ATP5PB: variants seen among roughly 807,000 people sequenced by gnomAD.
The protein encoded by ATP5PB is ATP synthase peripheral stalk subunit b, mitochondrial.
In ATP5PB, 21 loss-of-function variants were observed where a neutral mutation model predicts 34.5. That is an observed-to-expected ratio of 0.61 (90% CI 0.43 to 0.88). The LOEUF (loss-of-function observed/expected upper bound fraction) is 0.88, where lower values mean the gene tolerates loss of function less well. Ranked by LOEUF, ATP5PB falls within the 40% of genes least tolerant of loss-of-function variation. ATP5PB has a pLI of 0.00. For synonymous variants in ATP5PB, 108 were observed against 114.1 expected (o/e 0.95, Z 0.34); for missense variants, 293 against 317.4 (o/e 0.92, Z 0.58).
intron 4 of ATP5PB, 71 bp downstream of exon 4, chr1:111,456,320 A>T: frequency 2.8e-6 from 4 of 1,430,626 alleles, no homozygotes; most frequent in Non-Finnish European, 3.7e-6. Context: ...GATATTTTTG[A>T]TATGAGTGTT....
chr1:111,452,996 T>C lies in ATP5PB; in HGVS notation c.78-1215T>C, dbSNP rs184464877. ...TCAAAACCTGGTGGGGTAGCTAATA[T>C]ATTTGGAGGCAGAAATAATATTCAA... On this transcript the variant is annotated intron_variant, in intron 2 of 6. Transcript: ENST00000369722. 1.5e-3 allele frequency among the ~76,000 whole-genome samples: 225 copies of C among 152,312 alleles called. 1 individual carries two copies. The highest frequency in any genetic ancestry group is 6.8e-3 in the Middle Eastern group (2 of 292).
chr1:111,449,510 C>T lies in ATP5PB; in HGVS notation c.-32C>T. 2 of 1,614,162 alleles carry T rather than the reference C, an allele frequency of 1.2e-6. No homozygotes were observed. Among genetic ancestry groups the T allele is most frequent in the Non-Finnish European group, 8.5e-7 (1 of 1,180,032 alleles). On this transcript the variant is annotated 5_prime_UTR_variant, in exon 1 of 7. It adds an upstream start codon to the 5' untranslated region. Coordinates refer to ENST00000369722, the MANE Select transcript of ATP5PB (RefSeq NM_001688.5). ...GATTCTCCTATCGGGGTCACAGGGA[C>T]GCTAAGATTGCTACCTGGACTTTCG...
At position 111,449,566 on chromosome 1, in the gene ATP5PB, G is replaced by T. The variant is rs935062805; in HGVS notation, c.25G>T (p.Ala9Ser). 1 of 1,609,678 alleles carries T rather than the reference G, an allele frequency of 6.2e-7. No individual in the cohort carries two copies. The highest frequency in any genetic ancestry group is 1.3e-5 in the African/African-American group (1 of 74,646). Reference sequence around the variant, plus strand: ...CATGCTGTCCCGGGTGGTACTTTCCGCCGCCGCCACAGCGGGTAAGGGGTA... The same window carrying T: ...CATGCTGTCCCGGGTGGTACTTTCCTCCGCCGCCACAGCGGGTAAGGGGTA... MLSRVVLSAAATAAPSLKN... is the reference protein window; with the variant it reads MLSRVVLSSAATAAPSLKN... The change falls in exon 1 of 7, where the codon GCC becomes TCC. Residue 9 changes from alanine (A) to serine (S), a missense_variant. Physicochemically the swap from Ala to Ser is moderately conservative, Grantham distance 99. Coordinates refer to ENST00000369722, the MANE Select transcript of ATP5PB (RefSeq NM_001688.5).
At chr1:111,459,724 C>T (rs1653566329) in intron 6 of ATP5PB, 88 bp downstream of exon 6, 6 of 1,407,002 alleles carry the variant, frequency 4.3e-6, no homozygotes, top group Non-Finnish European at 3.9e-6. Flanking sequence ...GAATAGCTGG[C>T]AAGGAGTCTT....
intron 2 of ATP5PB, among the ~76,000 whole-genome samples, chr1:111,453,331 A>G (rs1653384344): frequency 6.6e-6 from 1 of 152,044 alleles, no homozygotes; most frequent in South Asian, 2.1e-4. Flanking sequence ...TAAGTTCTCA[A>G]TAAGTATTTG....
chr1:111,454,146 A>G, intron 2 of ATP5PB, 65 bp from the exon 3 acceptor site: 2 of 1,400,936 alleles, frequency 1.4e-6, no homozygotes, highest in Non-Finnish European at 1.9e-6. Context: ...GTTTCTGCTC[A>G]TTATTCATAC....
At chr1:111,460,228 A>G (rs745724753) in intron 6 of ATP5PB, among the ~76,000 whole-genome samples, 6 of 152,162 alleles carry the variant, frequency 3.9e-5, no homozygotes, top group Non-Finnish European at 7.3e-5. Flanking sequence ...ATTCCATGAC[A>G]TTCCATTTCT....
At position 111,460,797 on chromosome 1, in the gene ATP5PB, C is replaced by T. The variant is rs182518194; in HGVS notation, c.694-120C>T. 564 of 725,802 alleles carry T rather than the reference C, an allele frequency of 7.8e-4. 4 individuals are homozygous for T. The highest frequency in any genetic ancestry group is 4.4e-3 in the Middle Eastern group (18 of 4,130). 45.0% of individuals were successfully genotyped at this position (725,802 alleles called of 1,614,324 possible). On this transcript the variant is annotated intron_variant, in intron 6 of 6. Coordinates refer to ENST00000369722, the MANE Select transcript of ATP5PB (RefSeq NM_001688.5). ...TGTCTAGTAGCTGTATAGTGTTAAG[C>T]CAGTAATCATCTTGAGGTTCTGGTC...
Position 111,459,643 on chromosome 1 carries a change from A to G in ATP5PB, c.693+7A>G, listed in dbSNP as rs2101760916. On this transcript the variant is annotated splice_region_variant and intron_variant, in intron 6 of 6. Coordinates refer to ENST00000369722, the MANE Select transcript of ATP5PB (RefSeq NM_001688.5). ...AAGCATCTCCACACAGCAGGTACAC[A>G]ACATTTTTGTAGGTTCTGATGTTGT... 1 of 1,612,806 alleles carries G rather than the reference A, an allele frequency of 6.2e-7. No individual in the cohort carries two copies. The highest frequency in any genetic ancestry group is 1.1e-5 in the South Asian group (1 of 90,884).
chr1:111,449,521 C>T lies in ATP5PB; in HGVS notation c.-21C>T. ...CGGGGTCACAGGGACGCTAAGATTG[C>T]TACCTGGACTTTCGTTGACCATGCT... On this transcript the variant is annotated 5_prime_UTR_variant, in exon 1 of 7. Transcript: ENST00000369722. 18 of 1,614,036 alleles carry T rather than the reference C, an allele frequency of 1.1e-5. No homozygotes were observed. The highest frequency in any genetic ancestry group is 1.5e-5 in the Non-Finnish European group (18 of 1,179,964).
At position 111,449,474 on chromosome 1, in the gene ATP5PB, C is replaced by T. The variant is rs1557797848; in HGVS notation, c.-68C>T. On this transcript the variant is annotated 5_prime_UTR_variant, in exon 1 of 7. Coordinates refer to ENST00000369722, the MANE Select transcript of ATP5PB (RefSeq NM_001688.5). ...AGACTTGTGAGCGGCCATCTTGGTC[C>T]TGCCCTGACAGATTCTCCTATCGGG... 6 of 1,614,194 alleles carry T rather than the reference C, an allele frequency of 3.7e-6. No homozygotes were observed. The highest frequency in any genetic ancestry group is 5.1e-6 in the Non-Finnish European group (6 of 1,180,030).
intron 2 of ATP5PB, among the ~76,000 whole-genome samples, chr1:111,451,093 A>C (rs1272866951): frequency 6.6e-6 from 1 of 152,144 alleles, no homozygotes. Context: ...GCCCATTCTC[A>C]TAATAGCCAG....
intron 2 of ATP5PB, 55 bp downstream of exon 2, chr1:111,449,928 C>T: frequency 3.7e-6 from 6 of 1,606,730 alleles, no homozygotes; most frequent in Non-Finnish European, 5.1e-6. Flanking sequence ...CTTTTATTTC[C>T]CGATTCCTGC....
intron 1 of ATP5PB, 47 bp from the exon 2 acceptor site, chr1:111,449,790 A>G: frequency 6.2e-7 from 1 of 1,613,906 alleles, no homozygotes. Context: ...GAAAGGGCAA[A>G]CCAGATTTCA....
intron 6 of ATP5PB, among the ~76,000 whole-genome samples, chr1:111,460,688 G>A (rs1653595853): frequency 6.6e-6 from 1 of 152,146 alleles, no homozygotes; most frequent in African/African-American, 2.4e-5. Flanking sequence ...TAAAGGCTGT[G>A]AGCCAGGGAA....
At chr1:111,451,240 T>C (rs2101754239) in intron 2 of ATP5PB, among the ~76,000 whole-genome samples, 1 of 152,330 alleles carries the variant, frequency 6.6e-6, no homozygotes, top group East Asian at 1.9e-4. Context: ...CCTTGTGGTC[T>C]CTTTTTAGCT....
intron 2 of ATP5PB, among the ~76,000 whole-genome samples, chr1:111,452,980 G>A (rs1653375203): frequency 6.6e-6 from 1 of 152,104 alleles, no homozygotes; most frequent in African/African-American, 2.4e-5. Context: ...TTCAAAACCT[G>A]GTGGGGTAGC....
chr1:111,452,308 C>T (rs1381896397), intron 2 of ATP5PB, among the ~76,000 whole-genome samples: 1 of 152,080 alleles, frequency 6.6e-6, no homozygotes, highest in Non-Finnish European at 1.5e-5. Context: ...TGTCTCACGC[C>T]TGTAATTTCA....
At chr1:111,454,831 C>T (rs1484674146) in intron 3 of ATP5PB, among the ~76,000 whole-genome samples, 1 of 152,216 alleles carries the variant, frequency 6.6e-6, no homozygotes, top group East Asian at 1.9e-4. Context: ...GGGATTTTAA[C>T]TTAATTTTAC....
Sources: gnomAD v4.1 joint callset for allele counts (sites outside exome capture counted in the v4.1 genomes callset) on GRCh38, gnomAD v4.1.1 for gene constraint, MANE v1.5 for transcripts, NCBI Gene and HGNC (gene_info 2026-07-23, HGNC 2026-07-21) for gene names.